Variants in MAP4K4 observed in about 807,000 individuals in gnomAD.
The protein encoded by MAP4K4 is HPK/GCK-like kinase HGK.
MAP4K4 carries 38 observed loss-of-function variants against 189.6 expected under a neutral mutation model. The ratio of observed to expected loss-of-function variants is 0.20; its 90% CI spans 0.15 to 0.26. The LOEUF is 0.26. Among genes scored for constraint, MAP4K4 ranks in the 10% least tolerant of loss-of-function variants. MAP4K4 has a pLI of 1.00. For synonymous variants in MAP4K4, 610 were observed against 624.3 expected, an observed-to-expected ratio of 0.98 and a Z score of 0.34; for missense variants, 1,054 against 1,726.9, an observed-to-expected ratio of 0.61 and a Z score of 6.91.
intron 2 of MAP4K4, among the ~76,000 whole-genome samples, chr2:101,729,152 C>G (rs549359191): frequency 6.6e-6 from 1 of 151,602 alleles, no homozygotes; most frequent in East Asian, 2.0e-4. Flanking sequence ...CTCTCCCTCC[C>G]TATCCTTTTT....
At chr2:101,872,184 G>C (rs1298645358) in intron 24 of MAP4K4, among the ~76,000 whole-genome samples, 1 of 151,542 alleles carries the variant, frequency 6.6e-6, no homozygotes, top group African/African-American at 2.4e-5. Context: ...TGTTTGGGGG[G>C]TGGGTTGTTG....
In MAP4K4 at chr2:101,784,282, GTGTGTA is replaced by G. The variant is rs1194583418; in HGVS notation, c.124-6432_124-6427del. Among the ~76,000 whole-genome samples the G allele has an allele frequency of 5.8e-4, 81 of 140,186 alleles. 1 individual carries two copies. Among genetic ancestry groups the G allele is most frequent in the African/African-American group, 2.4e-3 (81 of 34,176 alleles). 92.0% of individuals were successfully genotyped at this position (140,186 alleles called of 152,430 possible). ...GCTCTTCGTGTGTGTGTGTGTGTGT[GTGTGTA>G]TGTGTGTGTGTGTGTGTGTGTTTTT... On this transcript the variant is annotated intron_variant, in intron 2 of 32. Coordinates refer to ENST00000324219, the Ensembl canonical transcript of MAP4K4.
In MAP4K4 at chr2:101,701,273, G is replaced by A. The variant is rs141642236; in HGVS notation, c.123+2735G>A. Among the ~76,000 whole-genome samples the A allele has an allele frequency of 6.6e-3, 1,001 of 152,194 alleles. 14 individuals carry two copies. The highest frequency in any genetic ancestry group is 0.016 in the Admixed American group (246 of 15,284). ...GGAGTTTTCTGAGATTTGATATGTC[G>A]TATGAAATAGCTTCTTTTGGGGCGA... On this transcript the variant is annotated intron_variant, in intron 2 of 32. Transcript: ENST00000324219.
intron 3 of MAP4K4, among the ~76,000 whole-genome samples, chr2:101,797,952 A>G (rs1005407763): frequency 1.6e-5 from 2 of 127,670 alleles, no homozygotes; most frequent in Admixed American, 9.6e-5. Context: ...TAGAGTGCAC[A>G]AGTCTAGCTG....
At chr2:101,819,858 C>T (rs748023636) in intron 3 of MAP4K4, among the ~76,000 whole-genome samples, 9 of 152,202 alleles carry the variant, frequency 5.9e-5, no homozygotes, top group Non-Finnish European at 1.2e-4. Flanking sequence ...GACAGTGCTT[C>T]ATGGTTTCAT....
At chr2:101,824,132 G>GGAGGGGGGGGGGGGGGGGGGGGGA in intron 4 of MAP4K4, 79 bp downstream of exon 4, 1 of 56,768 alleles carries the variant, frequency 1.8e-5, no homozygotes, top group Non-Finnish European at 3.8e-5. Context: ...GGGGGCGGGG[G>GGAGGGGGGGGGGGGGGGGGGGGGA]AAAGAGGGGG....
At chr2:101,705,577 C>T (rs1006585436) in intron 2 of MAP4K4, among the ~76,000 whole-genome samples, 16 of 152,120 alleles carry the variant, frequency 1.1e-4, no homozygotes, top group Non-Finnish European at 2.4e-4. Flanking sequence ...ACTTTTTTTA[C>T]TCGTAGAATC....
intron 2 of MAP4K4, among the ~76,000 whole-genome samples, chr2:101,770,009 C>G (rs558496303): frequency 4.1e-4 from 62 of 152,284 alleles, no homozygotes; most frequent in African/African-American, 1.4e-3. Flanking sequence ...GTAAAACATT[C>G]TGGCTTTTAC....
At chr2:101,860,134 T>C in intron 15 of MAP4K4, 1 of 513,328 alleles carries the variant, frequency 1.9e-6, no homozygotes, top group Non-Finnish European at 3.5e-6. Flanking sequence ...AAAGATTACA[T>C]GACACAGTCA....
chr2:101,834,306 T>C, intron 7 of MAP4K4, 103 bp from the exon 8 acceptor site: 1 of 833,520 alleles, frequency 1.2e-6, no homozygotes, highest in Non-Finnish European at 2.0e-6. Flanking sequence ...TCTGGCAAAT[T>C]TCCTTTTGGT....
At position 101,761,525 on chromosome 2, in the gene MAP4K4, C is replaced by G. The variant is rs541709184; in HGVS notation, c.124-29195C>G. 4.2e-4 allele frequency among the ~76,000 whole-genome samples: 63 copies of G among 149,532 alleles called. No homozygotes were observed. The South Asian group carries it at 0.012, about 29-fold the overall frequency. ...TCTCTCACTTTACAGGCAGGTAATT[C>G]AGTTATGGGGAGTATGGGAGCATTC... On this transcript the variant is annotated intron_variant, in intron 2 of 32. Coordinates refer to ENST00000324219, the Ensembl canonical transcript of MAP4K4.
At chr2:101,779,776 A>G (rs1012517923) in intron 2 of MAP4K4, among the ~76,000 whole-genome samples, 2 of 151,814 alleles carry the variant, frequency 1.3e-5, no homozygotes, top group African/African-American at 4.8e-5. Context: ...CCTCAAAAGA[A>G]AACTTGAAAG....
At chr2:101,738,968 G>A (rs377436805) in intron 2 of MAP4K4, among the ~76,000 whole-genome samples, 11 of 152,028 alleles carry the variant, frequency 7.2e-5, no homozygotes, top group East Asian at 3.9e-4. Context: ...ATATATAATG[G>A]TGCAGTGAAT....
At chr2:101,747,143 GA>G (rs1574798904) in intron 2 of MAP4K4, among the ~76,000 whole-genome samples, 1 of 152,082 alleles carries the variant, frequency 6.6e-6, no homozygotes, top group East Asian at 1.9e-4. Context: ...TTTTGAGATG[GA>G]GTCTCACTCT....
At chr2:101,717,585 C>T (rs1559073199) in intron 2 of MAP4K4, among the ~76,000 whole-genome samples, 1 of 152,184 alleles carries the variant, frequency 6.6e-6, no homozygotes, top group Non-Finnish European at 1.5e-5. Context: ...GAGGAAACGG[C>T]CTGAACTCCA....
At chr2:101,867,677 G>C (rs529534349) in intron 20 of MAP4K4, 38 of 368,632 alleles carry the variant, frequency 1.0e-4, no homozygotes, top group African/African-American at 6.7e-4. Flanking sequence ...TCTCTTTCTT[G>C]GCATTAACCT....
At chr2:101,791,554 A>G (rs2148817315) in intron 3 of MAP4K4, among the ~76,000 whole-genome samples, 1 of 152,334 alleles carries the variant, frequency 6.6e-6, no homozygotes, top group South Asian at 2.1e-4. Flanking sequence ...AGGATTCAAT[A>G]TCATATTTCA....
intron 6 of MAP4K4, among the ~76,000 whole-genome samples, chr2:101,831,014 G>T (rs1372762458): frequency 1.3e-5 from 2 of 152,156 alleles, no homozygotes; most frequent in Non-Finnish European, 2.9e-5. Context: ...CTCCACCTTT[G>T]CAGGTTCCTG....
intron 2 of MAP4K4, among the ~76,000 whole-genome samples, chr2:101,707,490 T>G (rs2042946846): frequency 6.6e-6 from 1 of 152,074 alleles, no homozygotes; most frequent in Non-Finnish European, 1.5e-5. Flanking sequence ...ATTACAGGCA[T>G]GAACCACTGC....
Sources: allele counts gnomAD v4.1 joint callset (sites outside exome capture counted in the v4.1 genomes callset), GRCh38; gene constraint gnomAD v4.1.1; transcripts MANE v1.5; gene names NCBI Gene and HGNC (gene_info 2026-07-23, HGNC 2026-07-21).